The following FERRY3 variants were observed in gnomAD, a reference collection of about 807,000 sequenced individuals.
FERRY3 encodes FERRY endosomal RAB5 effector complex subunit 3, also known as protein C12orf4.
the FERRY3 span, among the ~76,000 whole-genome samples, chr12:4,503,623 AC>A: frequency 6.6e-6 from 1 of 152,202 alleles, no homozygotes; most frequent in Non-Finnish European, 1.5e-5. Flanking sequence ...CTAACTGAAT[AC>A]TTTAATATTC....
the FERRY3 span, chr12:4,534,246 T>C: frequency 1.9e-6 from 3 of 1,612,642 alleles, no homozygotes; most frequent in African/African-American, 1.3e-5. Context: ...TCAGCATCTC[T>C]ATCATAATCG....
chr12:4,519,530 C>T, the FERRY3 span, among the ~76,000 whole-genome samples: 988 of 152,316 alleles, frequency 6.5e-3, 9 homozygotes, highest in Middle Eastern at 0.017. The surrounding 1 kb of genome is among the most constrained non-coding windows in gnomAD (Gnocchi z 4.3). Flanking sequence ...CAAGTCTGTA[C>T]GAGTCATCCA....
At chr12:4,513,514 C>A in the FERRY3 span, among the ~76,000 whole-genome samples, 4 of 149,952 alleles carry the variant, frequency 2.7e-5, no homozygotes, top group East Asian at 8.0e-4. Flanking sequence ...CTACAGTAAC[C>A]AAAACAGCAT....
chr12:4,513,571 G>A, the FERRY3 span, among the ~76,000 whole-genome samples: 2 of 151,668 alleles, frequency 1.3e-5, no homozygotes, highest in African/African-American at 4.8e-5. Context: ...ACAGAACAGA[G>A]CCCTCAGAAA....
chr12:4,528,726 A>G, the FERRY3 span, among the ~76,000 whole-genome samples: 8 of 152,156 alleles, frequency 5.3e-5, no homozygotes. Context: ...CAATTATTAA[A>G]TACATTTCCT....
At chr12:4,509,581 TCCCTGAC>T in the FERRY3 span, among the ~76,000 whole-genome samples, 2 of 147,442 alleles carry the variant, frequency 1.4e-5, no homozygotes. Flanking sequence ...CTCAAGTGGG[TCCCTGAC>T]CCCTGACCCC....
chr12:4,490,389 C>A, the FERRY3 span: 3 of 621,620 alleles, frequency 4.8e-6, no homozygotes, highest in Non-Finnish European at 5.3e-6. Flanking sequence ...CCAAATACTT[C>A]TCTCCTTAAA....
the FERRY3 span, chr12:4,508,743 CA>C: frequency 8.6e-4 from 112 of 130,510 alleles, no homozygotes; most frequent in South Asian, 1.2e-3. Context: ...GACTCTGTCT[CA>C]AAAAAAAAAA....
At chr12:4,494,228 T>TA in the FERRY3 span, among the ~76,000 whole-genome samples, 2,290 of 149,828 alleles carry the variant, frequency 0.015, 60 homozygotes, top group African/African-American at 0.052. Flanking sequence ...TTTATAAATT[T>TA]AAAAAAAAAA....
At chr12:4,526,616 C>T in the FERRY3 span, among the ~76,000 whole-genome samples, 2 of 151,928 alleles carry the variant, frequency 1.3e-5, no homozygotes, top group Admixed American at 6.6e-5. Flanking sequence ...CCGAGGTGGG[C>T]GGATCACCTG....
chr12:4,519,011 C>G, the FERRY3 span: 1 of 529,108 alleles, frequency 1.9e-6, no homozygotes, highest in Non-Finnish European at 3.2e-6. The surrounding 1 kb of genome is among the most constrained non-coding windows in gnomAD (Gnocchi z 4.3). Flanking sequence ...ATCCTTAATC[C>G]ATGGTGACAA....
the FERRY3 span, among the ~76,000 whole-genome samples, chr12:4,497,760 T>C: frequency 6.6e-6 from 1 of 152,230 alleles, no homozygotes; most frequent in Non-Finnish European, 1.5e-5. Flanking sequence ...TTTTCCTTTA[T>C]TCTTTTTAAA....
At chr12:4,536,007 C>A in the FERRY3 span, 35 of 1,480,744 alleles carry the variant, frequency 2.4e-5, no homozygotes, top group Admixed American at 1.5e-4. Flanking sequence ...AAAAAAAAAA[C>A]AGTCCTCACC....
At chr12:4,516,573 A>G in the FERRY3 span, among the ~76,000 whole-genome samples, 4 of 152,242 alleles carry the variant, frequency 2.6e-5, no homozygotes, top group Non-Finnish European at 5.9e-5. Flanking sequence ...ACATGGATGG[A>G]GCTGGAAACC....
the FERRY3 span, chr12:4,490,736 A>G: frequency 1.6e-6 from 1 of 616,898 alleles, no homozygotes; most frequent in South Asian, 2.0e-5. Flanking sequence ...GGCTACACCT[A>G]AAGGACAGAT....
chr12:4,525,702 TC>T, the FERRY3 span: 1 of 701,822 alleles, frequency 1.4e-6, no homozygotes, highest in Non-Finnish European at 2.3e-6. Context: ...TAGAAATGTG[TC>T]CAGGAATGAG....
the FERRY3 span, chr12:4,529,918 A>G: frequency 6.2e-7 from 1 of 1,613,008 alleles, no homozygotes. Flanking sequence ...ATCAGTTCTG[A>G]GATACTAACA....
At chr12:4,538,024 C>A in the FERRY3 span, among the ~76,000 whole-genome samples, 1 of 150,720 alleles carries the variant, frequency 6.6e-6, no homozygotes, top group Non-Finnish European at 1.5e-5. Flanking sequence ...CTGATAAATG[C>A]AAAAATATGA....
the FERRY3 span, among the ~76,000 whole-genome samples, chr12:4,528,062 G>A: frequency 1.3e-5 from 2 of 152,020 alleles, no homozygotes; most frequent in African/African-American, 4.8e-5. Context: ...TAGTTTTCTA[G>A]GGGGTAGAGG....
Sources: allele counts gnomAD v4.1 joint callset (sites outside exome capture counted in the v4.1 genomes callset), GRCh38; gene constraint gnomAD v4.1.1; non-coding constraint Gnocchi (gnomAD v3.1); transcripts MANE v1.5; gene names NCBI Gene and HGNC (gene_info 2026-07-23, HGNC 2026-07-21).